Variants in CASZ1 observed in about 807,000 individuals in gnomAD.
The protein encoded by CASZ1 is castor zinc finger 1, also known as zinc finger protein castor homolog 1.
CASZ1 carries 28 observed loss-of-function variants against 135.2 expected under a neutral mutation model. The ratio of observed to expected loss-of-function variants is 0.21; its 90% CI spans 0.15 to 0.28. CASZ1 has a LOEUF of 0.28. Ranked by LOEUF, CASZ1 falls within the 10% of genes least tolerant of loss-of-function variation. CASZ1 has a pLI of 1.00. For synonymous variants in CASZ1, 1,068 were observed against 1,073.4 expected (o/e 0.99, Z 0.10); for missense variants, 2,161 against 2,453.3 (o/e 0.88, Z 2.52).
rs375975903 is a variant in CASZ1, at chr1:10,769,868, T to A, written c.-233-9011A>T. Among the ~76,000 whole-genome samples the A allele has an allele frequency of 5.3e-5, 8 of 152,234 alleles. No homozygotes were observed. The East Asian group carries it at 1.4e-3, about 26-fold the overall frequency. On this transcript the variant is annotated intron_variant, in intron 1 of 20. Coordinates refer to ENST00000377022, the MANE Select transcript of CASZ1 (RefSeq NM_001079843.3). ...GCCAGGCTCAGTGCTAAGTATTTTA[T>A]ATATGGATCATTACACTAAATCAAG...
intron 1 of CASZ1, among the ~76,000 whole-genome samples, chr1:10,784,786 G>A (rs1364433845): frequency 1.3e-5 from 2 of 151,994 alleles, no homozygotes; most frequent in Non-Finnish European, 1.5e-5. Flanking sequence ...GGTTGGTCTC[G>A]AACTCCTGAC....
Position 10,738,879 on chromosome 1 carries a change from A to AT in CASZ1, c.-77+21821dup, listed in dbSNP as rs3833535. Reference sequence around the variant, plus strand: ...ATTTAATAGAAAGCATTAAAATACCATTTTTTTTTTCCAAAAAACTCCATA... The same window carrying AT: ...ATTTAATAGAAAGCATTAAAATACCATTTTTTTTTTTCCAAAAAACTCCATA... On this transcript the variant is annotated intron_variant, in intron 2 of 20. Transcript: ENST00000377022. Among the ~76,000 whole-genome samples, 617 of 90,512 alleles carry AT rather than the reference A, an allele frequency of 6.8e-3. 4 individuals are homozygous for AT. Among genetic ancestry groups the AT allele is most frequent in the East Asian group, 0.031 (105 of 3,410 alleles). The allele number at this position is 90,512 out of a possible 152,430, so 59.4% of individuals were successfully genotyped here.
rs755943898 is a variant in CASZ1, at chr1:10,642,874, C to A, written c.4147G>T (p.Glu1383Ter). The change falls in exon 20 of 21, where the codon GAG (glutamate) becomes TAG (stop). Residue 1383 changes from glutamate to a stop codon, truncating the protein, a stop_gained. Coordinates refer to ENST00000377022, the MANE Select transcript of CASZ1 (RefSeq NM_001079843.3). LOFTEE classifies it high-confidence loss of function. ...RSCSSTPVGN[E>*]STAAGNTISM... ...TGCCGCTCACCTGCCGCGGTGCTCTCGTTACCCACGGGGGTGCTGGAGCAG... is the reference window on the plus strand; with the variant it reads ...TGCCGCTCACCTGCCGCGGTGCTCTAGTTACCCACGGGGGTGCTGGAGCAG... 6.2e-7 allele frequency: 1 copy of A among 1,612,816 alleles called. No individual in the cohort carries two copies. The highest frequency in any genetic ancestry group is 8.5e-7 in the Non-Finnish European group (1 of 1,179,860).
chr1:10,692,820 AAAC>A (rs1638811235), intron 4 of CASZ1, among the ~76,000 whole-genome samples: 1 of 152,196 alleles, frequency 6.6e-6, no homozygotes, highest in Non-Finnish European at 1.5e-5. Flanking sequence ...GGCCTATTAT[AAAC>A]AACAACGCTA....
At chr1:10,740,263 G>A (rs1211055704) in intron 2 of CASZ1, among the ~76,000 whole-genome samples, 1 of 152,192 alleles carries the variant, frequency 6.6e-6, no homozygotes, top group East Asian at 1.9e-4. Flanking sequence ...CCCAGAACCT[G>A]CTGGAAGTCA....
chr1:10,788,380 C>T lies in CASZ1; in HGVS notation c.-234+8184G>A, dbSNP rs894869312. On this transcript the variant is annotated intron_variant, in intron 1 of 20. Coordinates refer to ENST00000377022, the MANE Select transcript of CASZ1 (RefSeq NM_001079843.3). This position sits in a 1 kb window ranked among gnomAD's most constrained non-coding sequence, Gnocchi z 4.1. Reference sequence around the variant, plus strand: ...GGGGACCGATCTTGCCTCCTCCCTCCTGCCCCCCTGCCTCATCCTGGAGAA... The same window carrying T: ...GGGGACCGATCTTGCCTCCTCCCTCTTGCCCCCCTGCCTCATCCTGGAGAA... Among the ~76,000 whole-genome samples, 4 of 152,182 alleles carry T rather than the reference C, an allele frequency of 2.6e-5. No individual in the cohort carries two copies. Among genetic ancestry groups the T allele is most frequent in the African/African-American group, 9.6e-5 (4 of 41,458 alleles).
chr1:10,644,933 C>T lies in CASZ1; in HGVS notation c.3852G>A (p.Glu1284=). 1 of 1,613,560 alleles carries T rather than the reference C, an allele frequency of 6.2e-7. No homozygotes were observed. The change falls in exon 18 of 21, where the codon GAG becomes GAA. Residue 1284 remains glutamate, a synonymous_variant. Coordinates refer to ENST00000377022, the MANE Select transcript of CASZ1 (RefSeq NM_001079843.3). Reference sequence around the variant, plus strand: ...CCTCGGTACCTAGCCTGCCACACTCCTCGCGCTTGGTGAAGTATTTGAAGC... The same window carrying T: ...CCTCGGTACCTAGCCTGCCACACTCTTCGCGCTTGGTGAAGTATTTGAAGC... The part of the protein sequence containing the change: ...ANGFKYFTKR[E]ECGRLGCKYN...
At chr1:10,692,107 C>T (rs1388878071) in intron 4 of CASZ1, among the ~76,000 whole-genome samples, 3 of 152,190 alleles carry the variant, frequency 2.0e-5, no homozygotes, top group Admixed American at 6.5e-5. Context: ...CCACCTGCCT[C>T]CTACCAGGGC....
At position 10,721,126 on chromosome 1, in the gene CASZ1, G is replaced by A. The variant is rs115832070; in HGVS notation, c.-76-15582C>T. 0.02 allele frequency among the ~76,000 whole-genome samples: 2,982 copies of A among 152,168 alleles called. 113 individuals are homozygous for A. Among genetic ancestry groups the A allele is most frequent in the African/African-American group, 0.068 (2,822 of 41,514 alleles). The stretch of plus-strand genomic sequence containing the variant: ...ACTGCCCGGTGCCCAGGGTCCCCTT[G>A]GCTCCTTGATTTATTTGCCTATTAA... On this transcript the variant is annotated intron_variant, in intron 2 of 20. Coordinates refer to ENST00000377022, the MANE Select transcript of CASZ1 (RefSeq NM_001079843.3). This position sits in a 1 kb window ranked among gnomAD's most constrained non-coding sequence, Gnocchi z 5.4.
chr1:10,701,684 G>GT lies in CASZ1; in HGVS notation c.-24+3807dup, dbSNP rs1416530263. Among the ~76,000 whole-genome samples, 1 of 152,224 alleles carries GT rather than the reference G, an allele frequency of 6.6e-6. No individual in the cohort carries two copies. Among genetic ancestry groups the GT allele is most frequent in the Non-Finnish European group, 1.5e-5 (1 of 68,028 alleles). On this transcript the variant is annotated intron_variant, in intron 3 of 20. Transcript: ENST00000377022. The surrounding 1 kb of genome is among the most constrained non-coding windows in gnomAD (Gnocchi z 6.3). Reference sequence around the variant, plus strand: ...ATTCAACCTGACATCCCATCTTGTCGTGAATGAAGACTCGGCCGATCAGGC... The same window carrying GT: ...ATTCAACCTGACATCCCATCTTGTCGTTGAATGAAGACTCGGCCGATCAGGC...
chr1:10,660,623 G>A, intron 5 of CASZ1, 87 bp from the exon 6 acceptor site: 1 of 1,101,280 alleles, frequency 9.1e-7, no homozygotes, highest in Non-Finnish European at 1.3e-6. Context: ...ACCCATAGAG[G>A]GAGGGGGTCA....
Position 10,642,864 on chromosome 1 carries a change from G to A in CASZ1, c.4157C>T (p.Ala1386Val), listed in dbSNP as rs757234674. The A allele has an allele frequency of 4.2e-5, 68 of 1,612,416 alleles. No homozygotes were observed. The highest frequency in any genetic ancestry group is 2.2e-5 in the East Asian group (1 of 44,876). ...SSTPVGNEST[A>V]AGNTISMPTA... ...AGCCCCTGCCTGCCGCTCACCTGCC[G>A]CGGTGCTCTCGTTACCCACGGGGGT... is the stretch of plus-strand genomic sequence containing the variant. The change falls in exon 20 of 21, where the codon GCG becomes GTG. Residue 1386 changes from alanine (A) to valine (V), a missense_variant. Physicochemically the swap from Ala to Val is moderately conservative, Grantham distance 64. Around this residue, in one of 7 missense-constraint regions of CASZ1, gnomAD observed 143 missense variants for 128.3 expected, o/e 1.11. Coordinates refer to ENST00000377022, the MANE Select transcript of CASZ1 (RefSeq NM_001079843.3).
At chr1:10,733,591 C>T (rs1009386028) in intron 2 of CASZ1, among the ~76,000 whole-genome samples, 1 of 152,200 alleles carries the variant, frequency 6.6e-6, no homozygotes, top group Non-Finnish European at 1.5e-5. Flanking sequence ...GCAACTATAA[C>T]TCAGGGACGG....
chr1:10,749,711 C>G (rs1017258227), intron 2 of CASZ1, among the ~76,000 whole-genome samples: 4 of 152,220 alleles, frequency 2.6e-5, no homozygotes. Flanking sequence ...TCTCTTCTTA[C>G]TTTCAGCCAA....
At chr1:10,683,642 T>C (rs1416224080) in intron 4 of CASZ1, among the ~76,000 whole-genome samples, 1 of 152,206 alleles carries the variant, frequency 6.6e-6, no homozygotes, top group African/African-American at 2.4e-5. Context: ...TGAAGGGCTC[T>C]GCGTCCAGTC....
In CASZ1 at chr1:10,774,023, T is replaced by G. The variant is rs909081403; in HGVS notation, c.-233-13166A>C. On this transcript the variant is annotated intron_variant, in intron 1 of 20. Transcript: ENST00000377022. This position sits in a 1 kb window ranked among gnomAD's most constrained non-coding sequence, Gnocchi z 4.4. Reference sequence around the variant, plus strand: ...GTGGTCCGGAGCAAACCTCCTTAACTCTGATCCCAGCACAGAGGTGGGACC... The same window carrying G: ...GTGGTCCGGAGCAAACCTCCTTAACGCTGATCCCAGCACAGAGGTGGGACC... 6.6e-6 allele frequency among the ~76,000 whole-genome samples: 1 copy of G among 152,064 alleles called. No homozygotes were observed. Among genetic ancestry groups the G allele is most frequent in the African/African-American group, 2.4e-5 (1 of 41,402 alleles).
At chr1:10,674,012 T>A (rs1643487620) in intron 4 of CASZ1, among the ~76,000 whole-genome samples, 1 of 152,230 alleles carries the variant, frequency 6.6e-6, no homozygotes, top group Admixed American at 6.5e-5. Context: ...GAAGCTCAGC[T>A]ATGCAGACGG....
intron 6 of CASZ1, 84 bp downstream of exon 6, chr1:10,659,618 G>T: frequency 9.0e-7 from 1 of 1,111,092 alleles, no homozygotes; most frequent in Non-Finnish European, 1.4e-6. Flanking sequence ...GTGTCCTCAA[G>T]CACGGGCAAC....
chr1:10,682,789 G>A (rs889941094), intron 4 of CASZ1, among the ~76,000 whole-genome samples: 1 of 152,216 alleles, frequency 6.6e-6, no homozygotes, highest in Admixed American at 6.5e-5. Context: ...GGCCTCCCGA[G>A]GAGCCCCAAA....
Sources: gnomAD v4.1 joint callset for allele counts (sites outside exome capture counted in the v4.1 genomes callset) on GRCh38, gnomAD v4.1.1 for gene constraint, gnomAD v4.1.1 regional missense constraint, Gnocchi (gnomAD v3.1) non-coding constraint, MANE v1.5 for transcripts, NCBI Gene and HGNC (gene_info 2026-07-23, HGNC 2026-07-21) for gene names.